The following LRP1B variants were observed in gnomAD, a reference collection of about 807,000 sequenced individuals.
LRP1B encodes the protein low-density lipoprotein receptor-related protein 1B.
In LRP1B, 217 loss-of-function variants were observed where a neutral mutation model predicts 556.6. The ratio of observed to expected loss-of-function variants is 0.39; its 90% CI spans 0.35 to 0.44. The LOEUF is 0.44. Among genes scored for constraint, LRP1B ranks in the 20% least tolerant of loss-of-function variants. The pLI is 1.00. For synonymous variants in LRP1B, 2,047 were observed against 1,865.8 expected, an observed-to-expected ratio of 1.10 and a Z score of -2.50; for missense variants, 5,053 against 5,620.8, an observed-to-expected ratio of 0.90 and a Z score of 3.23.
In LRP1B at chr2:141,058,987, T is replaced by C. The variant is rs1405477918; in HGVS notation, c.1304A>G (p.Asn435Ser). 6.3e-7 allele frequency: 1 copy of C among 1,594,580 alleles called. No individual in the cohort carries two copies. ...ATTAAATCGGTTTATCCTTACGATA[T>C]TGTAGTTATCAGAATTGGTTGCATA... ...YLYATNSDNY[N>S]IVRINRFNGT... Residue 435 changes from asparagine to serine, a missense_variant, in exon 9 of 91, where the codon AAT becomes AGT. Transcript: ENST00000389484.
intron 2 of LRP1B, among the ~76,000 whole-genome samples, chr2:141,515,946 A>C (rs1684298706): frequency 6.6e-6 from 1 of 152,242 alleles, no homozygotes; most frequent in African/African-American, 2.4e-5. Flanking sequence ...GGTAAGACTC[A>C]TATTTGGTAG....
chr2:141,415,134 C>G (rs1573919787), intron 3 of LRP1B, among the ~76,000 whole-genome samples: 1 of 152,172 alleles, frequency 6.6e-6, no homozygotes, highest in Admixed American at 6.5e-5. Context: ...CCTGGCTCAG[C>G]CTCCCCAGTA....
chr2:141,927,002 G>T (rs13417872), intron 1 of LRP1B, among the ~76,000 whole-genome samples: 14,123 of 152,096 alleles, frequency 0.093, 745 homozygotes, highest in African/African-American at 0.15. Context: ...TTGATTGTTA[G>T]TGTGATTGTT....
chr2:141,707,154 T>G (rs1692172682), intron 2 of LRP1B, among the ~76,000 whole-genome samples: 2 of 152,132 alleles, frequency 1.3e-5, no homozygotes, highest in South Asian at 2.1e-4. Context: ...GTATATGGAC[T>G]ATGACTTTAC....
intron 2 of LRP1B, among the ~76,000 whole-genome samples, chr2:141,670,343 A>G (rs1232957442): frequency 6.6e-6 from 1 of 152,236 alleles, no homozygotes; most frequent in African/African-American, 2.4e-5. Context: ...TGATGCTTTA[A>G]TATCACATAT....
At chr2:140,866,087 T>A (rs771144571) in intron 27 of LRP1B, among the ~76,000 whole-genome samples, 2 of 152,126 alleles carry the variant, frequency 1.3e-5, no homozygotes, top group Non-Finnish European at 2.9e-5. Flanking sequence ...AAGGCCATTT[T>A]TCATGGTCCA....
intron 25 of LRP1B, among the ~76,000 whole-genome samples, chr2:140,874,938 GAACCC>G (rs1260541556): frequency 1.3e-5 from 2 of 151,672 alleles, no homozygotes; most frequent in African/African-American, 4.8e-5. Context: ...AGAATTGCTT[GAACCC>G]AGGAGCAGAG....
At chr2:140,392,945 T>TC (rs1209902932) in intron 66 of LRP1B, among the ~76,000 whole-genome samples, 2 of 151,788 alleles carry the variant, frequency 1.3e-5, no homozygotes, top group East Asian at 1.9e-4. Context: ...TTTTTTTTTT[T>TC]CAGAGACAGT....
intron 7 of LRP1B, among the ~76,000 whole-genome samples, chr2:141,185,702 A>G (rs1444154089): frequency 6.6e-6 from 1 of 151,116 alleles, no homozygotes; most frequent in Non-Finnish European, 1.5e-5. Flanking sequence ...AAAAACAAAA[A>G]AAAAAACAAG....
chr2:141,623,389 T>C (rs952331266), intron 2 of LRP1B, among the ~76,000 whole-genome samples: 3 of 152,164 alleles, frequency 2.0e-5, no homozygotes, highest in African/African-American at 7.2e-5. Context: ...TAAGGATTCC[T>C]TTCTTACTAT....
At position 140,575,628 on chromosome 2, in the gene LRP1B, T is replaced by C. The variant is rs561786314; in HGVS notation, c.7194+23003A>G. 2.0e-5 allele frequency among the ~76,000 whole-genome samples: 3 copies of C among 152,002 alleles called. No individual in the cohort carries two copies. The East Asian group carries it at 5.8e-4, about 29-fold the overall frequency. ...AATAGGGTTTTAGCTCAGGAAAAAT[T>C]CTAAAAAGAATCAGGCTGGGCGCTG... On this transcript the variant is annotated intron_variant, in intron 43 of 90. Coordinates refer to ENST00000389484, the MANE Select transcript of LRP1B (RefSeq NM_018557.3).
At chr2:140,882,777 G>T (rs1237439959) in intron 25 of LRP1B, among the ~76,000 whole-genome samples, 1 of 152,102 alleles carries the variant, frequency 6.6e-6, no homozygotes, top group East Asian at 1.9e-4. Context: ...GACATCGCCT[G>T]GCTTTTCTCT....
chr2:141,834,684 T>C (rs1450766935), intron 1 of LRP1B, among the ~76,000 whole-genome samples: 1 of 151,962 alleles, frequency 6.6e-6, no homozygotes, highest in East Asian at 1.9e-4. Flanking sequence ...ACTATGGTGC[T>C]ATCAAGTGTC....
At chr2:140,530,946 C>T (rs778122433) in intron 47 of LRP1B, among the ~76,000 whole-genome samples, 2 of 152,164 alleles carry the variant, frequency 1.3e-5, no homozygotes, top group Middle Eastern at 3.4e-3. Context: ...TATTGTTATT[C>T]AGCAGCTGGT....
intron 6 of LRP1B, among the ~76,000 whole-genome samples, chr2:141,207,822 C>CCCGCCA (rs757009655): frequency 1.3e-5 from 2 of 152,192 alleles, no homozygotes; most frequent in Admixed American, 1.3e-4. Flanking sequence ...ATTACAGGCA[C>CCCGCCA]CCGCCACCAC....
chr2:140,557,862 G>T (rs1425932016), intron 43 of LRP1B, among the ~76,000 whole-genome samples: 1 of 151,972 alleles, frequency 6.6e-6, no homozygotes, highest in Non-Finnish European at 1.5e-5. Flanking sequence ...GCTCTCCTTT[G>T]TACTTGCTAG....
chr2:140,526,910 A>G (rs16856025), intron 47 of LRP1B, among the ~76,000 whole-genome samples: 6,092 of 151,794 alleles, frequency 0.04, 404 homozygotes, highest in African/African-American at 0.14. Flanking sequence ...CTGAACACTG[A>G]CTTTGTTTCT....
rs531082845 is a variant in LRP1B at position 140,651,409 on chromosome 2, G to A, written c.6799+48841C>T. On this transcript the variant is annotated intron_variant, in intron 41 of 90. Transcript: ENST00000389484. ...GGAGATATACCTAATGCTAGATAAC[G>A]AGTTAGTGGGTGCAGCGCACCAGCA... Among the ~76,000 whole-genome samples the A allele has an allele frequency of 9.0e-3, 1,328 of 147,030 alleles. 17 individuals carry two copies. The highest frequency in any genetic ancestry group is 0.015 in the Non-Finnish European group (991 of 66,962).
intron 1 of LRP1B, among the ~76,000 whole-genome samples, chr2:141,903,994 A>C (rs1699690201): frequency 6.6e-6 from 1 of 151,934 alleles, no homozygotes; most frequent in Non-Finnish European, 1.5e-5. Flanking sequence ...CCTTGGGAGA[A>C]ATAAACACCA....
Sources: gnomAD v4.1 joint callset for allele counts (sites outside exome capture counted in the v4.1 genomes callset) on GRCh38, gnomAD v4.1.1 for gene constraint, MANE v1.5 for transcripts, NCBI Gene and HGNC (gene_info 2026-07-23, HGNC 2026-07-21) for gene names.